The following SGCD variants were observed in gnomAD, a reference collection of about 807,000 sequenced individuals.
The protein encoded by SGCD is sarcoglycan delta.
SGCD carries 18 observed loss-of-function variants against 36.6 expected under a neutral mutation model. The ratio of observed to expected loss-of-function variants is 0.49; its 90% confidence interval spans 0.34 to 0.73. The LOEUF (loss-of-function observed/expected upper bound fraction) is 0.73, where lower values mean the gene tolerates loss of function less well. Among genes scored for constraint, SGCD ranks in the 30% least tolerant of loss-of-function variants. The pLI, the probability that SGCD is intolerant of heterozygous loss-of-function variation, is 0.01. For missense variants in SGCD, 387 were observed against 346.7 expected, an observed-to-expected ratio of 1.12 and a Z score of -0.92; for synonymous variants, 133 against 130.6, an observed-to-expected ratio of 1.02 and a Z score of -0.12.
In SGCD at chr5:155,934,936, G is replaced by C. The variant is rs561951140; in HGVS notation, c.-282+64512G>C. On this transcript the variant is annotated intron_variant, in intron 1 of 9. Transcript: ENST00000517913. ...GTAAGTAAGTTCCTGCAGTAAGATG[G>C]ATTCCCAGAGCTATCGTCAGCACCC... 9.2e-5 allele frequency among the ~76,000 whole-genome samples: 14 copies of C among 152,298 alleles called. No homozygotes were observed. In the South Asian group the frequency reaches 1.7e-3, roughly 18 times the overall value.
the SGCD span, among the ~76,000 whole-genome samples, chr5:155,839,997 C>T: frequency 6.6e-6 from 1 of 151,812 alleles, no homozygotes; most frequent in East Asian, 1.9e-4. Flanking sequence ...GTATAGGACA[C>T]AACTCAGGGC....
At chr5:156,382,530 T>C (rs987472456) in intron 3 of SGCD, among the ~76,000 whole-genome samples, 9 of 152,214 alleles carry the variant, frequency 5.9e-5, no homozygotes, top group African/African-American at 9.6e-5. Flanking sequence ...CAAATTCCGA[T>C]AGTTATTCAA....
intron 4 of SGCD, among the ~76,000 whole-genome samples, chr5:156,512,484 T>A (rs1162016336): frequency 6.6e-6 from 1 of 152,212 alleles, no homozygotes; most frequent in Admixed American, 6.5e-5. Context: ...GAGTACACCA[T>A]CTAGGTTGGT....
the SGCD span, among the ~76,000 whole-genome samples, chr5:155,828,683 T>A: frequency 7.2e-5 from 11 of 152,122 alleles, no homozygotes; most frequent in East Asian, 5.8e-4. Flanking sequence ...TTTTTATTTT[T>A]TTTTTTATAT....
At chr5:156,283,397 T>C (rs926171884) in intron 3 of SGCD, among the ~76,000 whole-genome samples, 2 of 152,234 alleles carry the variant, frequency 1.3e-5, no homozygotes, top group African/African-American at 4.8e-5. Context: ...ACCATATTTC[T>C]GCTGGTCTCC....
chr5:156,086,599 G>A (rs1335736754), intron 1 of SGCD, among the ~76,000 whole-genome samples: 1 of 152,170 alleles, frequency 6.6e-6, no homozygotes, highest in Non-Finnish European at 1.5e-5. Context: ...GGCACAGTCA[G>A]GTTGTAAATT....
chr5:155,802,800 G>C, the SGCD span, among the ~76,000 whole-genome samples: 1 of 152,154 alleles, frequency 6.6e-6, no homozygotes, highest in Non-Finnish European at 1.5e-5. Context: ...TTTAGAGTTG[G>C]AGAAGAGATG....
chr5:156,277,109 G>A (rs908941198), intron 3 of SGCD, among the ~76,000 whole-genome samples: 1 of 152,152 alleles, frequency 6.6e-6, no homozygotes, highest in Non-Finnish European at 1.5e-5. Flanking sequence ...CTAATTCCAA[G>A]ATTTAATATC....
At chr5:156,172,406 G>A (rs1164434715) in intron 3 of SGCD, among the ~76,000 whole-genome samples, 1 of 152,246 alleles carries the variant, frequency 6.6e-6, no homozygotes, top group Non-Finnish European at 1.5e-5. Context: ...AGGAAGTCGG[G>A]AAGCATTTGT....
intron 3 of SGCD, among the ~76,000 whole-genome samples, chr5:156,126,129 C>T (rs1025132402): frequency 6.6e-6 from 1 of 152,012 alleles, no homozygotes; most frequent in African/African-American, 2.4e-5. Context: ...GATCCTACCG[C>T]CTCAGCCTCC....
intron 4 of SGCD, among the ~76,000 whole-genome samples, chr5:156,533,444 T>C (rs72801137): frequency 0.017 from 2,548 of 152,298 alleles, 37 homozygotes; most frequent in Non-Finnish European, 0.026. Context: ...TCTATAGATA[T>C]GTTTTCATCC....
intron 3 of SGCD, among the ~76,000 whole-genome samples, chr5:156,347,211 T>TG (rs1248881021): frequency 6.6e-6 from 1 of 152,118 alleles, no homozygotes; most frequent in African/African-American, 2.4e-5. Flanking sequence ...AGCAATAGAA[T>TG]GGGGAAAGTT....
At chr5:155,906,219 T>C (rs1205045292) in intron 1 of SGCD, among the ~76,000 whole-genome samples, 1 of 152,110 alleles carries the variant, frequency 6.6e-6, no homozygotes, top group African/African-American at 2.4e-5. Flanking sequence ...ATGTTGTATG[T>C]GTTCTGACTG....
intron 1 of SGCD, among the ~76,000 whole-genome samples, chr5:155,913,292 C>T (rs1454225883): frequency 6.6e-6 from 1 of 152,180 alleles, no homozygotes; most frequent in Non-Finnish European, 1.5e-5. Flanking sequence ...CAGGGATTAC[C>T]TTGTCTGCAA....
chr5:156,102,366 T>A (rs1419917948), intron 1 of SGCD, among the ~76,000 whole-genome samples: 1 of 152,168 alleles, frequency 6.6e-6, no homozygotes, highest in Non-Finnish European at 1.5e-5. Flanking sequence ...TAAAGATTTC[T>A]TGATTGTTCT....
intron 7 of SGCD, among the ~76,000 whole-genome samples, chr5:156,674,916 A>G (rs1289490648): frequency 1.3e-5 from 2 of 152,202 alleles, no homozygotes; most frequent in African/African-American, 4.8e-5. Flanking sequence ...AATGGGACGC[A>G]GTGACTTCAT....
At chr5:156,043,698 A>G (rs1759691696) in intron 1 of SGCD, among the ~76,000 whole-genome samples, 1 of 152,170 alleles carries the variant, frequency 6.6e-6, no homozygotes, top group Non-Finnish European at 1.5e-5. Flanking sequence ...TCTTCTTTGT[A>G]TTGTAAATTA....
chr5:156,559,815 C>T (rs1226524466), intron 4 of SGCD, among the ~76,000 whole-genome samples: 1 of 152,192 alleles, frequency 6.6e-6, no homozygotes, highest in Non-Finnish European at 1.5e-5. Flanking sequence ...AAGGAATTTA[C>T]CTTCCCACAG....
chr5:156,446,666 C>T (rs1753767456), intron 3 of SGCD, among the ~76,000 whole-genome samples: 1 of 152,086 alleles, frequency 6.6e-6, no homozygotes. Flanking sequence ...CCTCCCTTCC[C>T]TGGCCGAAGG....
Sources: allele counts gnomAD v4.1 joint callset (sites outside exome capture counted in the v4.1 genomes callset), GRCh38; gene constraint gnomAD v4.1.1; transcripts MANE v1.5; gene names NCBI Gene and HGNC (gene_info 2026-07-23, HGNC 2026-07-21).